Variants in NKAIN3 observed in about 807,000 individuals in gnomAD.
NKAIN3 encodes sodium/potassium-transporting ATPase subunit beta-1-interacting protein 3.
In NKAIN3, 25 loss-of-function variants were observed where a neutral mutation model predicts 30.2. The observed-to-expected ratio is 0.83, with a 90% confidence interval of 0.60 to 1.16. The LOEUF (loss-of-function observed/expected upper bound fraction) is 1.16, where lower values mean the gene tolerates loss of function less well. NKAIN3 is among the 50% of genes most tolerant of loss of function. The pLI, the probability that NKAIN3 is intolerant of heterozygous loss-of-function variation, is 0.00. For synonymous variants in NKAIN3, 91 were observed against 89.6 expected (o/e 1.02, Z -0.09); for missense variants, 225 against 254.1 (o/e 0.89, Z 0.78).
intron 1 of NKAIN3, among the ~76,000 whole-genome samples, chr8:62,373,748 C>T (rs932653328): frequency 6.6e-6 from 1 of 152,178 alleles, no homozygotes; most frequent in African/African-American, 2.4e-5. Flanking sequence ...AACAAATGTA[C>T]TTTATTATCA....
At chr8:62,925,072 T>G (rs1822396619) in intron 5 of NKAIN3, among the ~76,000 whole-genome samples, 1 of 152,172 alleles carries the variant, frequency 6.6e-6, no homozygotes. Flanking sequence ...AACTCCTACA[T>G]GTTCTTTAAC....
intron 4 of NKAIN3, among the ~76,000 whole-genome samples, chr8:62,805,479 G>A (rs189645788): frequency 6.2e-4 from 94 of 152,260 alleles, no homozygotes; most frequent in African/African-American, 2.2e-3. Flanking sequence ...ACAGAATAGA[G>A]CCCTTGGAAA....
At chr8:62,842,818 A>G (rs73258726) in intron 4 of NKAIN3, among the ~76,000 whole-genome samples, 6,395 of 152,142 alleles carry the variant, frequency 0.042, 426 homozygotes, top group African/African-American at 0.14. Flanking sequence ...ATTCAGAAAA[A>G]AATGAAATTA....
intron 1 of NKAIN3, among the ~76,000 whole-genome samples, chr8:62,399,923 G>A (rs1272148983): frequency 6.6e-6 from 1 of 152,148 alleles, no homozygotes; most frequent in Non-Finnish European, 1.5e-5. Context: ...TGAGACAATG[G>A]TCTAATATAG....
intron 1 of NKAIN3, among the ~76,000 whole-genome samples, chr8:62,567,302 C>T (rs1368317885): frequency 6.6e-6 from 1 of 151,988 alleles, no homozygotes; most frequent in African/African-American, 2.4e-5. Flanking sequence ...CTGGTCAGGG[C>T]CGGGCTGAGA....
chr8:62,359,985 C>T (rs1008211553), intron 1 of NKAIN3, among the ~76,000 whole-genome samples: 1 of 152,174 alleles, frequency 6.6e-6, no homozygotes, highest in African/African-American at 2.4e-5. Context: ...CCAGCAACCT[C>T]AGCCACAATG....
chr8:62,845,542 A>G (rs1264696742), intron 4 of NKAIN3, among the ~76,000 whole-genome samples: 1 of 151,988 alleles, frequency 6.6e-6, no homozygotes, highest in East Asian at 1.9e-4. Flanking sequence ...GGATTGGATC[A>G]GGATTGAAAA....
chr8:62,677,872 A>G (rs1160258023), intron 3 of NKAIN3, among the ~76,000 whole-genome samples: 1 of 152,138 alleles, frequency 6.6e-6, no homozygotes, highest in Non-Finnish European at 1.5e-5. Context: ...GGGCCTAACT[A>G]CAAGATAGTA....
chr8:62,957,405 A>G (rs183805949), intron 6 of NKAIN3, among the ~76,000 whole-genome samples: 1 of 152,278 alleles, frequency 6.6e-6, no homozygotes, highest in East Asian at 1.9e-4. Context: ...AAGTGTTGGG[A>G]TTACAGGCGT....
At chr8:62,941,305 G>A (rs1460679412) in intron 5 of NKAIN3, among the ~76,000 whole-genome samples, 2 of 151,992 alleles carry the variant, frequency 1.3e-5, no homozygotes, top group Admixed American at 6.6e-5. Flanking sequence ...TGGATTCATA[G>A]CTGAATTCTA....
chr8:62,478,758 A>T (rs1449508726), intron 1 of NKAIN3, among the ~76,000 whole-genome samples: 3 of 152,192 alleles, frequency 2.0e-5, no homozygotes, highest in Admixed American at 2.0e-4. Flanking sequence ...ATGATCAGGG[A>T]TGGAGTCAGG....
chr8:62,572,032 C>CT (rs992867990), intron 1 of NKAIN3, among the ~76,000 whole-genome samples: 1 of 152,192 alleles, frequency 6.6e-6, no homozygotes, highest in Non-Finnish European at 1.5e-5. Flanking sequence ...ATTTCTGTAG[C>CT]TGGCTTGAAT....
intron 4 of NKAIN3, among the ~76,000 whole-genome samples, chr8:62,760,004 A>G (rs904323139): frequency 6.6e-6 from 1 of 152,148 alleles, no homozygotes; most frequent in Non-Finnish European, 1.5e-5. Context: ...ACATTTATGC[A>G]GCCAATAGAC....
rs1815424827 is a variant in NKAIN3 at position 62,730,206 on chromosome 8, C to T, written c.274-16726C>T. ...TGTTGTCTTTTAAGATACTTTTCAT[C>T]TTCTAACACAAAATATAATTTATTT... On this transcript the variant is annotated intron_variant, in intron 3 of 6. Transcript: ENST00000623646. Among the ~76,000 whole-genome samples the T allele has an allele frequency of 2.6e-5, 4 of 151,976 alleles. No homozygotes were observed. The South Asian group carries it at 8.3e-4, about 31-fold the overall frequency.
chr8:62,424,866 T>A (rs1233863826), intron 1 of NKAIN3, among the ~76,000 whole-genome samples: 1 of 151,802 alleles, frequency 6.6e-6, no homozygotes, highest in African/African-American at 2.4e-5. Flanking sequence ...TTTACAATAG[T>A]CAAAATATGG....
chr8:62,758,080 C>T (rs1003167225), intron 4 of NKAIN3, among the ~76,000 whole-genome samples: 2 of 152,138 alleles, frequency 1.3e-5, no homozygotes, highest in Admixed American at 6.6e-5. Flanking sequence ...AGGAGGACTT[C>T]ACAGTGACAT....
rs10525699 is a variant in NKAIN3, at chr8:62,845,285, T to TTATATATATATATATATATATATA, written c.472-73163_472-73140dup. On this transcript the variant is annotated intron_variant, in intron 4 of 6. Transcript: ENST00000623646. The stretch of plus-strand genomic sequence containing the variant: ...ATTCATTGACCTGCTGGATAGTAGA[T>TTATATATATATATATATATATATA]TATATATATATATATATATATATAT... Among the ~76,000 whole-genome samples, 311 of 68,752 alleles carry TTATATATATATATATATATATATA rather than the reference T, an allele frequency of 4.5e-3. 24 individuals are homozygous for TTATATATATATATATATATATATA. The highest frequency in any genetic ancestry group is 5.8e-3 in the African/African-American group (118 of 20,486). The allele number at this position is 68,752 out of a possible 152,430, so 45.1% of individuals were successfully genotyped here.
At chr8:62,472,533 A>G (rs1419500373) in intron 1 of NKAIN3, among the ~76,000 whole-genome samples, 1 of 152,194 alleles carries the variant, frequency 6.6e-6, no homozygotes. Flanking sequence ...AGTAGGGTAC[A>G]TGCTTTCAAG....
chr8:62,668,326 G>C (rs1465048355), intron 3 of NKAIN3, among the ~76,000 whole-genome samples: 1 of 152,136 alleles, frequency 6.6e-6, no homozygotes, highest in African/African-American at 2.4e-5. Context: ...TTAAATATTT[G>C]TTGAGAAATG....
Sources: allele counts gnomAD v4.1 joint callset (sites outside exome capture counted in the v4.1 genomes callset), GRCh38; gene constraint gnomAD v4.1.1; transcripts MANE v1.5; gene names NCBI Gene and HGNC (gene_info 2026-07-23, HGNC 2026-07-21).